TSPEAR: variants seen among roughly 807,000 people sequenced by gnomAD.
TSPEAR encodes thrombospondin-type laminin G domain and EAR repeat-containing protein.
TSPEAR carries 69 observed loss-of-function variants against 71.6 expected under a neutral mutation model. The ratio of observed to expected loss-of-function variants is 0.96; its 90% CI spans 0.79 to 1.18. The LOEUF is 1.18. Ranked by LOEUF, TSPEAR falls within the 50% of genes most tolerant of loss-of-function variation. The probability of loss-of-function intolerance (pLI) is 0.00; values close to 1 mark genes in which losing one functional copy is unlikely to be tolerated. For synonymous variants in TSPEAR, 402 were observed against 387.2 expected, an observed-to-expected ratio of 1.04 and a Z score of -0.45; for missense variants, 971 against 894.9, an observed-to-expected ratio of 1.09 and a Z score of -1.09.
In TSPEAR at chr21:44,583,358, C is replaced by T. The variant is rs369805731; in HGVS notation, c.83-15353G>A. 6.0e-4 allele frequency among the ~76,000 whole-genome samples: 92 copies of T among 152,360 alleles called. 1 individual carries two copies. The highest frequency in any genetic ancestry group is 2.0e-3 in the African/African-American group (85 of 41,580). ...TTTGTTTTATTTGACTCCCTTTCAT[C>T]GTGGCTGGCTGCCCAGCACAACTCT... On this transcript the variant is annotated intron_variant, in intron 1 of 11. Coordinates refer to ENST00000323084, the MANE Select transcript of TSPEAR (RefSeq NM_144991.3).
At chr21:44,508,531 C>A (rs1341004499) in intron 10 of TSPEAR, 5 of 1,106,152 alleles carry the variant, frequency 4.5e-6, no homozygotes, top group Non-Finnish European at 4.5e-6. Flanking sequence ...CAGGTTTATT[C>A]ACAGACCGGA....
chr21:44,514,349 T>C (rs1182399569), intron 9 of TSPEAR, among the ~76,000 whole-genome samples: 4 of 152,164 alleles, frequency 2.6e-5, no homozygotes, highest in Non-Finnish European at 4.4e-5. Context: ...TGCCCTTCCA[T>C]GGCCATGGAA....
intron 1 of TSPEAR, among the ~76,000 whole-genome samples, chr21:44,683,903 G>A (rs1309134033): frequency 6.6e-6 from 1 of 152,078 alleles, no homozygotes; most frequent in Non-Finnish European, 1.5e-5. Context: ...TTTTAAAATG[G>A]GAATCCTAGA....
rs373736743 is a variant in TSPEAR, at chr21:44,504,746, C to T, written c.1856+34G>A. ...GTGAGCCCACAGTGGGGAAGCAAGG[C>T]TCTGGGAGGAGGCCGGCCTCGGCAG... is the stretch of plus-strand genomic sequence containing the variant. On this transcript the variant is annotated intron_variant, in intron 11 of 11. Transcript: ENST00000323084. The T allele has an allele frequency of 5.9e-6, 9 of 1,533,502 alleles. No individual in the cohort carries two copies. The African/African-American group carries it at 9.6e-5, about 16-fold the overall frequency. The allele number at this position is 1,533,502 out of a possible 1,614,324, so 95.0% of individuals were successfully genotyped here.
In TSPEAR at chr21:44,593,962, CA is replaced by C. The variant is rs1980182683; in HGVS notation, c.83-25958del. Among the ~76,000 whole-genome samples, 1 of 152,234 alleles carries C rather than the reference CA, an allele frequency of 6.6e-6. No homozygotes were observed. Among genetic ancestry groups the C allele is most frequent in the Non-Finnish European group, 1.5e-5 (1 of 68,030 alleles). On this transcript the variant is annotated intron_variant, in intron 1 of 11. Transcript: ENST00000323084. The surrounding 1 kb of genome is among the most constrained non-coding windows in gnomAD (Gnocchi z 5.9). The stretch of plus-strand genomic sequence containing the variant: ...GAACCTCCTCCTGATAAGGGACCCC[CA>C]ACCATGGACTGGCTCCAGCCGGTTT...
chr21:44,703,582 G>A (rs1196886188), intron 1 of TSPEAR, among the ~76,000 whole-genome samples: 3 of 152,202 alleles, frequency 2.0e-5, no homozygotes, highest in African/African-American at 4.8e-5. Context: ...CCCTCTCCCC[G>A]GGAGCCCTGG....
rs569405448 is a variant in TSPEAR at position 44,687,647 on chromosome 21, G to A, written c.82+23786C>T. 6.6e-6 allele frequency among the ~76,000 whole-genome samples: 1 copy of A among 152,284 alleles called. No individual in the cohort carries two copies. Among genetic ancestry groups the A allele is most frequent in the African/African-American group, 2.4e-5 (1 of 41,550 alleles). On this transcript the variant is annotated intron_variant, in intron 1 of 11. Transcript: ENST00000323084. The surrounding 1 kb of genome is among the most constrained non-coding windows in gnomAD (Gnocchi z 4.4). Reference sequence around the variant, plus strand: ...GGGGGATTGGGTGAAATTGACTGGGGAAGGCAGAAGAGTTCTGGAGAGGAT... The same window carrying A: ...GGGGGATTGGGTGAAATTGACTGGGAAAGGCAGAAGAGTTCTGGAGAGGAT...
chr21:44,534,538 C>T (rs2053055145), intron 2 of TSPEAR, among the ~76,000 whole-genome samples: 1 of 151,844 alleles, frequency 6.6e-6, no homozygotes, highest in Non-Finnish European at 1.5e-5. Flanking sequence ...AGGCTGGCGC[C>T]AGGCCGTAGG....
intron 3 of TSPEAR, 84 bp from the exon 4 acceptor site, chr21:44,531,217 C>T (rs2052964004): frequency 9.3e-7 from 1 of 1,080,358 alleles, no homozygotes; most frequent in South Asian, 1.4e-5. Flanking sequence ...ACAAGCCCCT[C>T]ACTAAGCAGC....
At chr21:44,677,707 G>C in intron 1 of TSPEAR, 2 of 1,426,690 alleles carry the variant, frequency 1.4e-6, no homozygotes, top group Middle Eastern at 1.8e-4. Context: ...TTTTGGAGTT[G>C]TGAGGCAGGC....
At chr21:44,571,802 T>G (rs1331220734) in intron 1 of TSPEAR, among the ~76,000 whole-genome samples, 2 of 152,274 alleles carry the variant, frequency 1.3e-5, no homozygotes, top group South Asian at 2.1e-4. Flanking sequence ...AGTCCACACA[T>G]AGATAAATAA....
intron 1 of TSPEAR, among the ~76,000 whole-genome samples, chr21:44,643,806 G>C (rs587604187): frequency 6.6e-6 from 1 of 152,288 alleles, no homozygotes; most frequent in African/African-American, 2.4e-5. Context: ...CTGCATGCAC[G>C]AGACCAAGGC....
chr21:44,606,326 C>G (rs1451702146), intron 1 of TSPEAR, among the ~76,000 whole-genome samples: 2 of 152,182 alleles, frequency 1.3e-5, no homozygotes, highest in Admixed American at 6.5e-5. Flanking sequence ...AATGAGACAT[C>G]ACCTCACACT....
intron 2 of TSPEAR, among the ~76,000 whole-genome samples, chr21:44,535,566 G>T (rs2053074462): frequency 6.6e-6 from 1 of 152,180 alleles, no homozygotes. Flanking sequence ...TCTGTGTTTA[G>T]AAACACGAAT....
chr21:44,584,601 C>CCT (rs782200474), intron 1 of TSPEAR, among the ~76,000 whole-genome samples: 42 of 152,124 alleles, frequency 2.8e-4, no homozygotes, highest in Non-Finnish European at 1.0e-4. Context: ...GATTTACAGT[C>CCT]CTCTCTCCCT....
chr21:44,590,844 C>T (rs1487774982), intron 1 of TSPEAR, among the ~76,000 whole-genome samples: 2 of 151,722 alleles, frequency 1.3e-5, no homozygotes, highest in African/African-American at 2.4e-5. Context: ...TAAGATGGGC[C>T]GGGGGGCCAT....
intron 1 of TSPEAR, among the ~76,000 whole-genome samples, chr21:44,576,577 T>C: frequency 6.6e-6 from 1 of 152,186 alleles, no homozygotes; most frequent in Non-Finnish European, 1.5e-5. Context: ...ATGTGTTGAT[T>C]GCAACCCATG....
intron 1 of TSPEAR, chr21:44,646,899 T>C: frequency 6.2e-7 from 1 of 1,611,754 alleles, no homozygotes; most frequent in Non-Finnish European, 8.5e-7. Context: ...CGGCCTGCTG[T>C]GTGCCCGTCT....
chr21:44,579,591 C>A, intron 1 of TSPEAR: 1 of 825,530 alleles, frequency 1.2e-6, no homozygotes, highest in Non-Finnish European at 1.8e-6. Context: ...TGCTGGGAGG[C>A]AGGAGCTGGG....
Sources: gnomAD v4.1 joint callset for allele counts (sites outside exome capture counted in the v4.1 genomes callset) on GRCh38, gnomAD v4.1.1 for gene constraint, Gnocchi (gnomAD v3.1) non-coding constraint, MANE v1.5 for transcripts, NCBI Gene and HGNC (gene_info 2026-07-23, HGNC 2026-07-21) for gene names.